PTK7: variants seen among roughly 807,000 people sequenced by gnomAD.
PTK7 encodes the protein protein tyrosine kinase 7 (inactive).
In PTK7, 39 loss-of-function variants were observed where a neutral mutation model predicts 116.6. The ratio of observed to expected loss-of-function variants is 0.33; its 90% confidence interval spans 0.26 to 0.44. The LOEUF is 0.44. PTK7 is among the 20% of genes least tolerant of loss of function. The pLI is 1.00. For missense variants in PTK7, 1,169 were observed against 1,425.6 expected (o/e 0.82, Z 2.90); for synonymous variants, 546 against 563.6 (o/e 0.97, Z 0.44).
At chr6:43,119,466 T>C (rs1768827385) in intron 1 of PTK7, among the ~76,000 whole-genome samples, 1 of 152,168 alleles carries the variant, frequency 6.6e-6, no homozygotes, top group African/African-American at 2.4e-5. Flanking sequence ...CCTGGCACTG[T>C]TCTCCATGGT....
chr6:43,079,910 A>C (rs1766275865), intron 1 of PTK7, among the ~76,000 whole-genome samples: 1 of 151,756 alleles, frequency 6.6e-6, no homozygotes, highest in Non-Finnish European at 1.5e-5. Context: ...AAAAAAAAAA[A>C]AATTGCCAGG....
At chr6:43,122,382 G>A (rs954990007) in intron 1 of PTK7, among the ~76,000 whole-genome samples, 23 of 152,046 alleles carry the variant, frequency 1.5e-4, no homozygotes, top group Non-Finnish European at 4.4e-5. Flanking sequence ...AGGGAGCCCC[G>A]GGGCTGCTCC....
At chr6:43,097,554 T>C (rs546886486) in intron 1 of PTK7, among the ~76,000 whole-genome samples, 2 of 152,288 alleles carry the variant, frequency 1.3e-5, no homozygotes, top group Admixed American at 1.3e-4. Flanking sequence ...ACCAAAAAAG[T>C]TTCTGAATCA....
In PTK7 at chr6:43,148,543, A is replaced by T. The variant is rs563713845; in HGVS notation, c.2721+1845A>T. ...ATGGCTTCAAGAGTCAGGGGAGTCA[A>T]GGTGGGATTCTCTGGCTGGGATGAG... On this transcript the variant is annotated intron_variant, in intron 17 of 19. Transcript: ENST00000230419. Among the ~76,000 whole-genome samples, 3 of 152,314 alleles carry T rather than the reference A, an allele frequency of 2.0e-5. No individual in the cohort carries two copies. In the South Asian group the frequency reaches 6.2e-4, roughly 32 times the overall value.
chr6:43,137,829 T>G (rs989103468), intron 7 of PTK7, among the ~76,000 whole-genome samples: 1 of 152,166 alleles, frequency 6.6e-6, no homozygotes, highest in African/African-American at 2.4e-5. Flanking sequence ...TTATTTGAGA[T>G]GGAGTCTCAC....
intron 1 of PTK7, among the ~76,000 whole-genome samples, chr6:43,080,561 T>C (rs1766320391): frequency 6.6e-6 from 1 of 152,162 alleles, no homozygotes; most frequent in African/African-American, 2.4e-5. Flanking sequence ...CTCAGACTCA[T>C]TGGCAGGCCC....
chr6:43,079,997 G>A (rs1256373277), intron 1 of PTK7, among the ~76,000 whole-genome samples: 2 of 148,730 alleles, frequency 1.3e-5, no homozygotes, highest in Admixed American at 6.8e-5. Context: ...GCAGGTTGAG[G>A]CTACAGTAAG....
rs552562099 is a variant in PTK7, at chr6:43,093,595, G to C, written c.79+17028G>C. On this transcript the variant is annotated intron_variant, in intron 1 of 19. Coordinates refer to ENST00000230419, the MANE Select transcript of PTK7 (RefSeq NM_002821.5). ...CGTTTTCTTCCCCAGCAGCACACTT[G>C]TGTGGGGCTGATTCTAACTTTGTGG... Among the ~76,000 whole-genome samples the C allele has an allele frequency of 5.0e-4, 76 of 152,266 alleles. 1 individual carries two copies. In the South Asian group the frequency reaches 0.015, roughly 30 times the overall value.
intron 17 of PTK7, among the ~76,000 whole-genome samples, chr6:43,154,459 C>G (rs1283613262): frequency 6.6e-6 from 1 of 152,146 alleles, no homozygotes; most frequent in East Asian, 1.9e-4. Context: ...CAGTTTGCAT[C>G]ACAACCCAAT....
At chr6:43,109,409 A>G (rs1209689724) in intron 1 of PTK7, among the ~76,000 whole-genome samples, 3 of 151,978 alleles carry the variant, frequency 2.0e-5, no homozygotes, top group Non-Finnish European at 4.4e-5. Flanking sequence ...GTTTCCTTGT[A>G]TGATAAGATG....
chr6:43,090,927 G>A (rs945010802), intron 1 of PTK7, among the ~76,000 whole-genome samples: 1 of 152,070 alleles, frequency 6.6e-6, no homozygotes, highest in Non-Finnish European at 1.5e-5. Context: ...GACCTGTGAA[G>A]GTGCACTTGA....
intron 5 of PTK7, among the ~76,000 whole-genome samples, chr6:43,131,316 A>G (rs1769669564): frequency 6.6e-6 from 1 of 151,202 alleles, no homozygotes; most frequent in Non-Finnish European, 1.5e-5. Context: ...TGGGTGCCCT[A>G]TCAACGTGGC....
chr6:43,134,782 GAA>G (rs756747841), intron 7 of PTK7, among the ~76,000 whole-genome samples: 8 of 128,564 alleles, frequency 6.2e-5, no homozygotes, highest in South Asian at 2.5e-4. Flanking sequence ...TTTGTCTCAG[GAA>G]AAAAAAAAAA....
At chr6:43,099,523 A>G (rs1172911405) in intron 1 of PTK7, among the ~76,000 whole-genome samples, 3 of 152,040 alleles carry the variant, frequency 2.0e-5, no homozygotes, top group African/African-American at 7.3e-5. Flanking sequence ...CGCCTGGCCC[A>G]CAGCTATTTC....
chr6:43,090,475 C>A (rs1438951037), intron 1 of PTK7, among the ~76,000 whole-genome samples: 1 of 152,100 alleles, frequency 6.6e-6, no homozygotes, highest in African/African-American at 2.4e-5. Context: ...TGTTTAAGGG[C>A]GTTTATGATG....
chr6:43,142,647 C>A (rs1260714897), intron 13 of PTK7: 10 of 387,646 alleles, frequency 2.6e-5, no homozygotes, highest in Non-Finnish European at 4.0e-5. Flanking sequence ...AGGTTCTTTT[C>A]TCCAGGAGGC....
At chr6:43,146,783 C>T (rs1265687956) in intron 17 of PTK7, 85 bp downstream of exon 17, 1 of 1,196,472 alleles carries the variant, frequency 8.4e-7, no homozygotes, top group South Asian at 1.2e-5. Context: ...TGAGGGCTCT[C>T]TATGGGCCAG....
At chr6:43,082,934 A>G (rs1344304083) in intron 1 of PTK7, among the ~76,000 whole-genome samples, 2 of 152,318 alleles carry the variant, frequency 1.3e-5, no homozygotes, top group Non-Finnish European at 2.9e-5. Flanking sequence ...AAAGGGAGGC[A>G]TGTCTCCGCT....
chr6:43,085,947 A>C (rs1052326120), intron 1 of PTK7, among the ~76,000 whole-genome samples: 39 of 150,440 alleles, frequency 2.6e-4, no homozygotes, highest in African/African-American at 8.2e-4. Context: ...AAAAAAAAAA[A>C]AAAAAAACAT....
Sources: gnomAD v4.1 joint callset for allele counts (sites outside exome capture counted in the v4.1 genomes callset) on GRCh38, gnomAD v4.1.1 for gene constraint, MANE v1.5 for transcripts, NCBI Gene and HGNC (gene_info 2026-07-23, HGNC 2026-07-21) for gene names.